Variants in CACNA2D1 observed in about 807,000 individuals in gnomAD.
The protein encoded by CACNA2D1 is calcium voltage-gated channel auxiliary subunit alpha2delta 1, also known as voltage-dependent calcium channel subunit alpha-2/delta-1.
A neutral mutation model predicts 171.5 loss-of-function variants in CACNA2D1; 53 were observed. That is an observed-to-expected ratio of 0.31 (90% CI 0.25 to 0.39). The LOEUF is 0.39. Ranked by LOEUF, CACNA2D1 falls within the 10% of genes least tolerant of loss-of-function variation. CACNA2D1 has a pLI of 1.00. For synonymous variants in CACNA2D1, 442 were observed against 443.1 expected (o/e 1.00, Z 0.03); for missense variants, 903 against 1,299.8 (o/e 0.69, Z 4.69).
chr7:82,364,306 T>C (rs1821433609), intron 1 of CACNA2D1, among the ~76,000 whole-genome samples: 1 of 152,146 alleles, frequency 6.6e-6, no homozygotes, highest in African/African-American at 2.4e-5. Context: ...ATGTCAAAGA[T>C]AGAGCAAATC....
chr7:82,153,084 A>G (rs566224300), intron 4 of CACNA2D1, among the ~76,000 whole-genome samples: 54 of 150,210 alleles, frequency 3.6e-4, no homozygotes, highest in African/African-American at 1.2e-3. Context: ...AAACTTGCAC[A>G]CTAGATCAAA....
At chr7:82,075,975 CCATT>C (rs1464730655) in intron 7 of CACNA2D1, among the ~76,000 whole-genome samples, 1 of 152,008 alleles carries the variant, frequency 6.6e-6, no homozygotes, top group Non-Finnish European at 1.5e-5. Context: ...AATGTTATCC[CCATT>C]CAAATTACAA....
chr7:82,340,349 T>G lies in CACNA2D1; in HGVS notation c.178-5098A>C, dbSNP rs542279745. Among the ~76,000 whole-genome samples the G allele has an allele frequency of 7.9e-5, 12 of 152,010 alleles. No homozygotes were observed. In the East Asian group the frequency reaches 9.7e-4, roughly 12 times the overall value. ...GGCTAAGTTTGTTTTTTGTTTTTTTTTTTTTTTAATAGGATCTCACTATGT... is the reference window on the plus strand; with the variant it reads ...GGCTAAGTTTGTTTTTTGTTTTTTTGTTTTTTTAATAGGATCTCACTATGT... On this transcript the variant is annotated intron_variant, in intron 2 of 38. Transcript: ENST00000356860.
intron 4 of CACNA2D1, among the ~76,000 whole-genome samples, chr7:82,139,518 T>C (rs200034353): frequency 6.6e-6 from 1 of 152,282 alleles, no homozygotes; most frequent in East Asian, 1.9e-4. Flanking sequence ...AGAATGAGGG[T>C]CCATGGTACA....
rs1405526473 is a variant in CACNA2D1 at position 81,964,414 on chromosome 7, G to A, written c.2575-55C>T. 4 of 1,375,512 alleles carry A rather than the reference G, an allele frequency of 2.9e-6. No individual in the cohort carries two copies. The African/African-American group carries it at 5.7e-5, about 20-fold the overall frequency. 85.2% of individuals were successfully genotyped at this position (1,375,512 alleles called of 1,614,324 possible). A position where few individuals can be genotyped will look rare whatever the true frequency, so the allele number is the denominator to read the frequency against. ...TGCACTTAAAATGTAAGCCAAAAAT[G>A]AACACGGGAATCACCACTACAGTGA... On this transcript the variant is annotated intron_variant, in intron 32 of 38. Transcript: ENST00000356860.
At chr7:82,078,837 C>T (rs1264740692) in intron 7 of CACNA2D1, among the ~76,000 whole-genome samples, 1 of 151,944 alleles carries the variant, frequency 6.6e-6, no homozygotes, top group African/African-American at 2.4e-5. Context: ...GAACCTAGAA[C>T]TCCTCATAGT....
intron 1 of CACNA2D1, among the ~76,000 whole-genome samples, chr7:82,410,731 C>A (rs1470202684): frequency 6.6e-6 from 1 of 152,194 alleles, no homozygotes; most frequent in Non-Finnish European, 1.5e-5. Flanking sequence ...AGAATGAATT[C>A]TTAACACTTG....
chr7:81,977,937 G>C (rs1381818266), intron 24 of CACNA2D1, among the ~76,000 whole-genome samples: 2 of 152,116 alleles, frequency 1.3e-5, no homozygotes, highest in Non-Finnish European at 2.9e-5. Flanking sequence ...GATATGAACA[G>C]ACAGTTCTCA....
intron 12 of CACNA2D1, among the ~76,000 whole-genome samples, chr7:82,018,756 G>T (rs915186769): frequency 6.6e-6 from 1 of 152,060 alleles, no homozygotes; most frequent in Non-Finnish European, 1.5e-5. Context: ...GCTGAGGTGG[G>T]TGGATCACTT....
intron 10 of CACNA2D1, among the ~76,000 whole-genome samples, chr7:82,051,771 C>A (rs1805222711): frequency 6.6e-6 from 1 of 152,224 alleles, no homozygotes; most frequent in Admixed American, 6.5e-5. Context: ...TGTGTCAACA[C>A]TTGAAATTCT....
intron 12 of CACNA2D1, among the ~76,000 whole-genome samples, chr7:82,017,610 G>GTTTT (rs56933598): frequency 8.7e-5 from 13 of 148,772 alleles, no homozygotes; most frequent in African/African-American, 3.2e-4. Context: ...TTCTTCAGAT[G>GTTTT]TTTTTTTTTT....
At chr7:81,982,687 A>AT in intron 23 of CACNA2D1, 60 bp from the exon 24 acceptor site, 1 of 1,027,706 alleles carries the variant, frequency 9.7e-7, no homozygotes, top group South Asian at 1.3e-5. Context: ...CAGAGATTCT[A>AT]TAACAATAAG....
chr7:82,404,790 T>C (rs548902505), intron 1 of CACNA2D1, among the ~76,000 whole-genome samples: 2 of 152,264 alleles, frequency 1.3e-5, no homozygotes, highest in African/African-American at 2.4e-5. Context: ...AAAAAGATAT[T>C]TGCTGGATCA....
At chr7:82,338,651 G>C (rs1196500125) in intron 2 of CACNA2D1, among the ~76,000 whole-genome samples, 2 of 152,120 alleles carry the variant, frequency 1.3e-5, no homozygotes, top group Non-Finnish European at 2.9e-5. Context: ...CAGAATATCT[G>C]GAGGGAGTCT....
rs547896657 is a variant in CACNA2D1 at position 82,394,086 on chromosome 7, T to C, written c.96-44437A>G. On this transcript the variant is annotated intron_variant, in intron 1 of 38. Transcript: ENST00000356860. ...AAATAAAGCATATTAAGTTCGCCAA[T>C]AGAGGCAAGTAAAAGGTAGAATGGG... Among the ~76,000 whole-genome samples, 19 of 152,220 alleles carry C rather than the reference T, an allele frequency of 1.2e-4. No homozygotes were observed. The South Asian group carries it at 1.9e-3, about 15-fold the overall frequency.
chr7:82,155,226 T>A (rs563900985), intron 4 of CACNA2D1, among the ~76,000 whole-genome samples: 10 of 152,264 alleles, frequency 6.6e-5, no homozygotes, highest in African/African-American at 2.2e-4. Flanking sequence ...ATTTTCTTTT[T>A]AAATTATCCA....
chr7:82,431,909 G>A (rs892691046), intron 1 of CACNA2D1, among the ~76,000 whole-genome samples: 1 of 151,472 alleles, frequency 6.6e-6, no homozygotes, highest in Non-Finnish European at 1.5e-5. Context: ...ATGGTGGCAC[G>A]CACCTGTAAT....
chr7:81,948,453 C>A lies in CACNA2D1; in HGVS notation c.*1939G>T, dbSNP rs1012224551. 2 of 147,204 alleles carry A rather than the reference C, an allele frequency of 1.4e-5. No homozygotes were observed. Among genetic ancestry groups the A allele is most frequent in the Admixed American group, 6.8e-5 (1 of 14,668 alleles). 9.1% of individuals were successfully genotyped at this position (147,204 alleles called of 1,614,324 possible). A position where few individuals can be genotyped will look rare whatever the true frequency, so the allele number is the denominator to read the frequency against. ...GGCAAAGTGATTCCATTTCCCCCCA[C>A]CTTTTTATTGAAAAAAAAAATCTTG... On this transcript the variant is annotated 3_prime_UTR_variant, in exon 39 of 39. Coordinates refer to ENST00000356860, the MANE Select transcript of CACNA2D1 (RefSeq NM_000722.4).
chr7:82,043,865 G>A (rs1002491793), intron 10 of CACNA2D1, among the ~76,000 whole-genome samples: 4 of 152,162 alleles, frequency 2.6e-5, no homozygotes. Flanking sequence ...ATGGCAACTA[G>A]AACACATCTT....
Sources: gnomAD v4.1 joint callset for allele counts (sites outside exome capture counted in the v4.1 genomes callset) on GRCh38, gnomAD v4.1.1 for gene constraint, MANE v1.5 for transcripts, NCBI Gene and HGNC (gene_info 2026-07-23, HGNC 2026-07-21) for gene names.